The following RASGRP3 variants were observed in gnomAD, a reference collection of about 807,000 sequenced individuals.
The protein encoded by RASGRP3 is ras guanyl-releasing protein 3.
In RASGRP3, 54 loss-of-function variants were observed where a neutral mutation model predicts 82.7. That is an observed-to-expected ratio of 0.65 (90% CI 0.52 to 0.82). The LOEUF is 0.82. Among genes scored for constraint, RASGRP3 ranks in the 40% least tolerant of loss-of-function variants. RASGRP3 has a pLI of 0.00. For synonymous variants in RASGRP3, 309 were observed against 300.5 expected, an observed-to-expected ratio of 1.03 and a Z score of -0.29; for missense variants, 861 against 828.9, an observed-to-expected ratio of 1.04 and a Z score of -0.48.
At chr2:33,535,287 G>A (rs1158243094) in intron 11 of RASGRP3, among the ~76,000 whole-genome samples, 1 of 152,184 alleles carries the variant, frequency 6.6e-6, no homozygotes, top group East Asian at 1.9e-4. Context: ...TGGTTTTAGT[G>A]GATGGACTAT....
At chr2:33,544,603 C>A (rs776375528) in intron 13 of RASGRP3, among the ~76,000 whole-genome samples, 1 of 151,712 alleles carries the variant, frequency 6.6e-6, no homozygotes, top group African/African-American at 2.4e-5. Context: ...ATTTAAAAAT[C>A]ACCTGTAAGG....
At chr2:33,520,128 C>A in intron 5 of RASGRP3, 114 bp downstream of exon 5, 2 of 832,120 alleles carry the variant, frequency 2.4e-6, no homozygotes, top group Non-Finnish European at 1.9e-6. Context: ...TCTGATACCC[C>A]TCCCACCAAC....
intron 1 of RASGRP3, among the ~76,000 whole-genome samples, chr2:33,497,180 G>A (rs1208160083): frequency 6.6e-6 from 1 of 152,160 alleles, no homozygotes; most frequent in African/African-American, 2.4e-5. Flanking sequence ...AATGCTTGGT[G>A]AATACTTTCA....
Position 33,527,313 on chromosome 2 carries a change from G to A in RASGRP3, c.984G>A (p.Val328=). Residue 328 remains valine (V), a synonymous_variant, in exon 10 of 18, where the codon GTG becomes GTA. Coordinates refer to ENST00000403687, the MANE Select transcript of RASGRP3 (RefSeq NM_001139488.2). ...DWTEENKVNI[V]KMHQLSVTLS... ...CAGAGGAGAACAAAGTGAACATTGTGAAAATGCACCAGCTCTCCGTTACCC... is the reference window on the plus strand; with the variant it reads ...CAGAGGAGAACAAAGTGAACATTGTAAAAATGCACCAGCTCTCCGTTACCC... 6.2e-7 allele frequency: 1 copy of A among 1,613,914 alleles called. No homozygotes were observed. The highest frequency in any genetic ancestry group is 2.2e-5 in the East Asian group (1 of 44,884).
chr2:33,541,656 T>C (rs1574466196), intron 12 of RASGRP3, among the ~76,000 whole-genome samples: 2 of 147,552 alleles, frequency 1.4e-5, no homozygotes, highest in East Asian at 3.9e-4. Context: ...TCCATGGATG[T>C]ATTGACCATT....
intron 4 of RASGRP3, among the ~76,000 whole-genome samples, chr2:33,519,333 T>G (rs1438107624): frequency 1.3e-5 from 2 of 152,164 alleles, no homozygotes; most frequent in African/African-American, 4.8e-5. Context: ...ATAGTGTTTC[T>G]CGGCCAGGCG....
intron 9 of RASGRP3, among the ~76,000 whole-genome samples, chr2:33,524,854 C>T (rs571237914): frequency 9.2e-5 from 14 of 151,484 alleles, no homozygotes; most frequent in South Asian, 2.1e-4. Context: ...CTGAGGCGGG[C>T]GGATCACAAG....
intron 1 of RASGRP3, among the ~76,000 whole-genome samples, chr2:33,444,170 G>A (rs1665381549): frequency 6.6e-6 from 1 of 152,080 alleles, no homozygotes; most frequent in Non-Finnish European, 1.5e-5. Flanking sequence ...GCTGGGCATG[G>A]TGGTGCATGC....
Position 33,562,267 on chromosome 2 carries a change from C to CTT in RASGRP3, c.2065-445_2065-444dup, listed in dbSNP as rs71409631. ...TGGGTGAACTACATGATCTCTCTCT[C>CTT]TTTTTTTTTTTTTTTTTTCTGAGAC... On this transcript the variant is annotated intron_variant, in intron 17 of 17. Coordinates refer to ENST00000403687, the MANE Select transcript of RASGRP3 (RefSeq NM_001139488.2). Among the ~76,000 whole-genome samples the CTT allele has an allele frequency of 4.4e-3, 556 of 127,012 alleles. 9 individuals are homozygous for CTT. The highest frequency in any genetic ancestry group is 9.7e-3 in the African/African-American group (326 of 33,694). The allele number at this position is 127,012 out of a possible 152,430, so 83.3% of individuals were successfully genotyped here. A position where few individuals can be genotyped will look rare whatever the true frequency, so the allele number is the denominator to read the frequency against.
intron 2 of RASGRP3, among the ~76,000 whole-genome samples, chr2:33,470,003 T>C (rs2150913644): frequency 6.6e-6 from 1 of 152,334 alleles, no homozygotes; most frequent in Admixed American, 6.5e-5. Flanking sequence ...CTTTTGGCAC[T>C]AGTACCAAAC....
intron 14 of RASGRP3, among the ~76,000 whole-genome samples, chr2:33,552,036 A>G (rs1675424506): frequency 1.3e-5 from 2 of 151,970 alleles, no homozygotes; most frequent in Admixed American, 6.6e-5. Flanking sequence ...CAGAGAAACA[A>G]ACTCAAGATC....
At chr2:33,457,720 A>C (rs1666115910) in intron 2 of RASGRP3, among the ~76,000 whole-genome samples, 1 of 152,116 alleles carries the variant, frequency 6.6e-6, no homozygotes, top group South Asian at 2.1e-4. Flanking sequence ...TTAAAGGCTT[A>C]AGTGACTTAC....
chr2:33,437,897 A>C (rs1665010476), intron 1 of RASGRP3, among the ~76,000 whole-genome samples: 1 of 152,182 alleles, frequency 6.6e-6, no homozygotes, highest in African/African-American at 2.4e-5. Flanking sequence ...CAAACAAACA[A>C]ACCCTCAGCA....
chr2:33,492,012 G>C (rs1668886189), intron 1 of RASGRP3, among the ~76,000 whole-genome samples: 1 of 152,236 alleles, frequency 6.6e-6, no homozygotes, highest in Admixed American at 6.5e-5. Context: ...TTCTGCAAAA[G>C]AGAAAACCTG....
chr2:33,541,139 C>T lies in RASGRP3; in HGVS notation c.1278+1929C>T, dbSNP rs1020928184. Among the ~76,000 whole-genome samples the T allele has an allele frequency of 2.0e-5, 3 of 146,802 alleles. 1 individual carries two copies. Among genetic ancestry groups the T allele is most frequent in the Non-Finnish European group, 4.6e-5 (3 of 65,612 alleles). ...AAGAACTTACAAATCTTTTTGAAAA[C>T]CTAATTTTGCAGAGGGCAATGGGAA... On this transcript the variant is annotated intron_variant, in intron 12 of 17. Coordinates refer to ENST00000403687, the MANE Select transcript of RASGRP3 (RefSeq NM_001139488.2).
At chr2:33,487,127 T>C (rs1249200638) in intron 1 of RASGRP3, among the ~76,000 whole-genome samples, 1 of 152,162 alleles carries the variant, frequency 6.6e-6, no homozygotes, top group Non-Finnish European at 1.5e-5. Flanking sequence ...CATCATTCCA[T>C]CCGTAAATAT....
chr2:33,549,204 C>T (rs2151092228), intron 13 of RASGRP3, among the ~76,000 whole-genome samples: 1 of 152,216 alleles, frequency 6.6e-6, no homozygotes, highest in Middle Eastern at 3.4e-3. Flanking sequence ...AATGGTCAGC[C>T]CAGTTATTAC....
At chr2:33,539,241 C>A in intron 12 of RASGRP3, 31 bp downstream of exon 12, 1 of 1,441,588 alleles carries the variant, frequency 6.9e-7, no homozygotes, top group Non-Finnish European at 9.6e-7. Flanking sequence ...AAAGAGAGGG[C>A]ACTAGAAGAC....
chr2:33,468,600 C>G (rs1044092279), intron 2 of RASGRP3, among the ~76,000 whole-genome samples: 1 of 152,078 alleles, frequency 6.6e-6, no homozygotes, highest in African/African-American at 2.4e-5. Context: ...CAGGGTTTCA[C>G]CATGTGGGCC....
Sources: allele counts gnomAD v4.1 joint callset (sites outside exome capture counted in the v4.1 genomes callset), GRCh38; gene constraint gnomAD v4.1.1; transcripts MANE v1.5; gene names NCBI Gene and HGNC (gene_info 2026-07-23, HGNC 2026-07-21).